Variants in GARIN6 observed in about 807,000 individuals in gnomAD.
The protein encoded by GARIN6 is golgi associated RAB2 interactor family member 6.
chr12:99,648,197 C>T, the GARIN6 span: 10 of 1,613,854 alleles, frequency 6.2e-6, no homozygotes, highest in East Asian at 2.2e-5. Flanking sequence ...TGTATGCTAC[C>T]GTATTACACG....
At chr12:99,648,159 T>C in the GARIN6 span, 1 of 1,589,932 alleles carries the variant, frequency 6.3e-7, no homozygotes, top group Non-Finnish European at 8.6e-7. Flanking sequence ...GGAACTGTCT[T>C]GATTTAAAGG....
chr12:99,649,675 G>A, the GARIN6 span: 4 of 352,830 alleles, frequency 1.1e-5, no homozygotes, highest in Non-Finnish European at 2.1e-5. Context: ...AGCAAGGGCT[G>A]CATGCACATT....
chr12:99,648,244 T>C, the GARIN6 span: 3 of 1,614,142 alleles, frequency 1.9e-6, no homozygotes, highest in Non-Finnish European at 2.5e-6. Context: ...GTTTAACACC[T>C]CCATGGGGAA....
At chr12:99,648,581 A>C in the GARIN6 span, 2 of 1,614,114 alleles carry the variant, frequency 1.2e-6, no homozygotes, top group Non-Finnish European at 1.7e-6. Flanking sequence ...AGCGTAAAAA[A>C]ACAGCTCCAC....
the GARIN6 span, among the ~76,000 whole-genome samples, chr12:99,649,127 T>C: frequency 6.6e-6 from 1 of 152,222 alleles, no homozygotes; most frequent in Non-Finnish European, 1.5e-5. Flanking sequence ...CAGGCTGATA[T>C]GTTGTAGGAC....
chr12:99,648,594 G>A, the GARIN6 span: 2 of 1,614,218 alleles, frequency 1.2e-6, no homozygotes, highest in African/African-American at 2.7e-5. Flanking sequence ...AGCTCCACCT[G>A]AAGCTTGCCA....
the GARIN6 span, chr12:99,648,605 C>T: frequency 4.1e-5 from 66 of 1,614,084 alleles, no homozygotes; most frequent in Non-Finnish European, 5.2e-5. Flanking sequence ...AAGCTTGCCA[C>T]GGGCCGCTCT....
the GARIN6 span, chr12:99,647,877 C>T: frequency 7.8e-6 from 3 of 385,388 alleles, no homozygotes; most frequent in Non-Finnish European, 1.4e-5. Context: ...CCCGAATGAG[C>T]ACTGACACCT....
the GARIN6 span, chr12:99,649,335 T>C: frequency 2.5e-6 from 4 of 1,614,188 alleles, no homozygotes; most frequent in South Asian, 2.2e-5. Flanking sequence ...TCAGAATCAG[T>C]AGACTTCACA....
the GARIN6 span, chr12:99,649,286 A>C: frequency 6.2e-7 from 1 of 1,611,632 alleles, no homozygotes; most frequent in Non-Finnish European, 8.5e-7. Context: ...TTCTCTCCCT[A>C]GGGATATGCC....
At chr12:99,648,849 C>G in the GARIN6 span, 1 of 1,524,866 alleles carries the variant, frequency 6.6e-7, no homozygotes, top group Admixed American at 2.2e-5. Context: ...AGGTACAGGT[C>G]CTGTAAAGCC....
At chr12:99,648,001 G>C in the GARIN6 span, 1 of 846,924 alleles carries the variant, frequency 1.2e-6, no homozygotes, top group Non-Finnish European at 1.8e-6. Context: ...TGAGCGGTTG[G>C]TAATCAATAC....
At chr12:99,648,224 CA>C in the GARIN6 span, 1 of 1,614,170 alleles carries the variant, frequency 6.2e-7, no homozygotes, top group Admixed American at 1.7e-5. Context: ...AGCAGCCCCG[CA>C]ATGGGCATGT....
the GARIN6 span, chr12:99,648,001 G>A: frequency 1.2e-6 from 1 of 846,924 alleles, no homozygotes; most frequent in Non-Finnish European, 1.8e-6. Flanking sequence ...TGAGCGGTTG[G>A]TAATCAATAC....
At chr12:99,648,350 T>C in the GARIN6 span, 1 of 1,614,116 alleles carries the variant, frequency 6.2e-7, no homozygotes, top group Non-Finnish European at 8.5e-7. Context: ...AGAGGAGAAG[T>C]GATTGACGTG....
the GARIN6 span, chr12:99,647,906 G>A: frequency 3.2e-5 from 14 of 436,864 alleles, no homozygotes; most frequent in Non-Finnish European, 5.3e-5. Context: ...GGACATCCAC[G>A]AGGGCCCCAA....
chr12:99,649,215 T>C, the GARIN6 span: 1 of 1,167,014 alleles, frequency 8.6e-7, no homozygotes. Context: ...AATTTCTTTT[T>C]GTTGTTTACC....
At chr12:99,648,689 T>C in the GARIN6 span, 1 of 1,614,178 alleles carries the variant, frequency 6.2e-7, no homozygotes, top group Non-Finnish European at 8.5e-7. Flanking sequence ...CTTGTTTACA[T>C]CCTGAGACCA....
chr12:99,649,250 C>A, the GARIN6 span: 1 of 1,457,120 alleles, frequency 6.9e-7, no homozygotes, highest in Non-Finnish European at 9.6e-7. Context: ...GGAGATCTTG[C>A]TGGTCTCACT....
Sources: allele counts gnomAD v4.1 joint callset (sites outside exome capture counted in the v4.1 genomes callset), GRCh38; gene constraint gnomAD v4.1.1; transcripts MANE v1.5; gene names NCBI Gene and HGNC (gene_info 2026-07-23, HGNC 2026-07-21).